Variants in PRKCB observed in about 807,000 individuals in gnomAD.
PRKCB encodes the protein protein kinase C beta type.
In PRKCB, 13 loss-of-function variants were observed where a neutral mutation model predicts 81.5. That is an observed-to-expected ratio of 0.16 (90% CI 0.10 to 0.25). The LOEUF is 0.25. PRKCB is among the 10% of genes least tolerant of loss of function. The probability of loss-of-function intolerance (pLI) is 1.00; values close to 1 mark genes in which losing one functional copy is unlikely to be tolerated. For synonymous variants in PRKCB, 335 were observed against 321.4 expected, an observed-to-expected ratio of 1.04 and a Z score of -0.45; for missense variants, 509 against 875.7, an observed-to-expected ratio of 0.58 and a Z score of 5.29.
At position 24,027,442 on chromosome 16, in the gene PRKCB, C is replaced by T. The variant is rs74015234; in HGVS notation, c.289-4694C>T. 9.5e-3 allele frequency among the ~76,000 whole-genome samples: 1,448 copies of T among 152,232 alleles called. 20 individuals carry two copies. The highest frequency in any genetic ancestry group is 0.032 in the African/African-American group (1,340 of 41,514). On this transcript the variant is annotated intron_variant, in intron 3 of 16. Coordinates refer to ENST00000643927, the MANE Select transcript of PRKCB (RefSeq NM_002738.7). ...GCTGGTTAAGCTGCCAAAAGGGATC[C>T]CTTAGTTTTTTGGGGGGTGGATTTC...
chr16:24,056,945 C>A (rs1965909083), intron 5 of PRKCB, among the ~76,000 whole-genome samples: 1 of 152,206 alleles, frequency 6.6e-6, no homozygotes, highest in Non-Finnish European at 1.5e-5. Context: ...GCCCGTGGTG[C>A]ATGCACAGGG....
At chr16:23,948,133 T>C (rs1964229017) in intron 2 of PRKCB, among the ~76,000 whole-genome samples, 3 of 152,068 alleles carry the variant, frequency 2.0e-5, no homozygotes, top group Admixed American at 2.0e-4. Context: ...GAGTCAGCTA[T>C]GGTGGGGCTT....
At chr16:24,050,830 C>A (rs1965832768) in intron 5 of PRKCB, among the ~76,000 whole-genome samples, 1 of 152,276 alleles carries the variant, frequency 6.6e-6, no homozygotes, top group Middle Eastern at 3.4e-3. Context: ...GGGGGTACCA[C>A]CAGCCACATT....
chr16:24,151,808 A>C (rs1487720246), intron 9 of PRKCB: 1 of 456,034 alleles, frequency 2.2e-6, no homozygotes, highest in South Asian at 1.5e-5. Flanking sequence ...CATTAGCTGA[A>C]GCAAGTTAAT....
chr16:24,112,840 A>G lies in PRKCB; in HGVS notation c.822-133A>G, dbSNP rs533390919. ...ACCCAACATACTGAAAAACAAACCAAAACAAACCAAAAAACCCTCAACGTA... is the reference window on the plus strand; with the variant it reads ...ACCCAACATACTGAAAAACAAACCAGAACAAACCAAAAAACCCTCAACGTA... On this transcript the variant is annotated intron_variant, in intron 7 of 16. Transcript: ENST00000643927. 11 of 626,548 alleles carry G rather than the reference A, an allele frequency of 1.8e-5. No individual in the cohort carries two copies. In the African/African-American group the frequency reaches 2.1e-4, roughly 12 times the overall value. 38.8% of individuals were successfully genotyped at this position (626,548 alleles called of 1,614,324 possible). A position where few individuals can be genotyped will look rare whatever the true frequency, so the allele number is the denominator to read the frequency against.
At chr16:24,005,528 G>C (rs185576615) in intron 3 of PRKCB, among the ~76,000 whole-genome samples, 313 of 152,262 alleles carry the variant, frequency 2.1e-3, no homozygotes, top group Non-Finnish European at 2.5e-3. Context: ...CGGCGTAATC[G>C]GGAGTCACTT....
chr16:24,179,936 G>A (rs892597935), intron 12 of PRKCB, among the ~76,000 whole-genome samples: 2 of 151,924 alleles, frequency 1.3e-5, no homozygotes, highest in African/African-American at 4.8e-5. Flanking sequence ...CTGTCACATA[G>A]TAATTGTGCA....
At chr16:24,107,212 C>T (rs899616122) in intron 7 of PRKCB, among the ~76,000 whole-genome samples, 2 of 152,344 alleles carry the variant, frequency 1.3e-5, no homozygotes, top group African/African-American at 4.8e-5. Flanking sequence ...TCTTGAATCT[C>T]ACTGCAAATA....
chr16:23,905,639 C>T (rs1287354986), intron 2 of PRKCB, among the ~76,000 whole-genome samples: 1 of 152,148 alleles, frequency 6.6e-6, no homozygotes, highest in Non-Finnish European at 1.5e-5. Flanking sequence ...AACCAGTTTC[C>T]TGTATTTTCT....
At chr16:24,148,203 C>T (rs926693019) in intron 9 of PRKCB, among the ~76,000 whole-genome samples, 2 of 152,166 alleles carry the variant, frequency 1.3e-5, no homozygotes, top group Admixed American at 1.3e-4. Context: ...CCTGTGTCCC[C>T]GCCTTGCTAG....
At chr16:23,934,664 T>A (rs195989) in intron 2 of PRKCB, among the ~76,000 whole-genome samples, 6 of 152,160 alleles carry the variant, frequency 3.9e-5, no homozygotes, top group Non-Finnish European at 7.3e-5. Flanking sequence ...GGTTAGGAAT[T>A]GTCAGTGTTT....
At chr16:23,910,146 C>G (rs1963628300) in intron 2 of PRKCB, among the ~76,000 whole-genome samples, 1 of 152,150 alleles carries the variant, frequency 6.6e-6, no homozygotes, top group Non-Finnish European at 1.5e-5. Flanking sequence ...CTCTTCCGCT[C>G]CAAGTTGCCT....
At chr16:24,158,588 A>ATGTGTG (rs1967204219) in intron 10 of PRKCB, among the ~76,000 whole-genome samples, 3 of 146,040 alleles carry the variant, frequency 2.1e-5, no homozygotes, top group Non-Finnish European at 3.0e-5. Context: ...GTATATGTAT[A>ATGTGTG]TGTATATGTG....
chr16:24,119,315 G>A (rs1197488942), intron 8 of PRKCB, among the ~76,000 whole-genome samples: 2 of 151,912 alleles, frequency 1.3e-5, no homozygotes, highest in African/African-American at 4.8e-5. Context: ...GCTCCTTGAA[G>A]GACAAGGAAA....
At chr16:23,999,202 C>CATA (rs1965000315) in intron 3 of PRKCB, among the ~76,000 whole-genome samples, 2 of 152,162 alleles carry the variant, frequency 1.3e-5, no homozygotes, top group African/African-American at 4.8e-5. Flanking sequence ...TGGAGGGGTG[C>CATA]CCTCTCCTTC....
intron 5 of PRKCB, among the ~76,000 whole-genome samples, chr16:24,065,502 C>T (rs1358781740): frequency 6.6e-6 from 1 of 152,154 alleles, no homozygotes; most frequent in Non-Finnish European, 1.5e-5. Context: ...CCCCATCCTA[C>T]CATACACATT....
chr16:24,084,015 T>G (rs1359648431), intron 5 of PRKCB, among the ~76,000 whole-genome samples: 1 of 152,094 alleles, frequency 6.6e-6, no homozygotes, highest in Non-Finnish European at 1.5e-5. Flanking sequence ...TAAAAAGTAA[T>G]TTAAAACAGT....
intron 9 of PRKCB, among the ~76,000 whole-genome samples, chr16:24,135,641 C>T (rs981212834): frequency 3.9e-5 from 6 of 152,058 alleles, no homozygotes; most frequent in Admixed American, 6.5e-5. Context: ...GAGCCAAGCC[C>T]GGCACCAGAT....
chr16:23,950,794 T>C (rs1029325436), intron 2 of PRKCB, among the ~76,000 whole-genome samples: 2 of 152,220 alleles, frequency 1.3e-5, no homozygotes, highest in African/African-American at 4.8e-5. Context: ...TTTTCCTGTT[T>C]CTCCTGATCT....
Sources: allele counts gnomAD v4.1 joint callset (sites outside exome capture counted in the v4.1 genomes callset), GRCh38; gene constraint gnomAD v4.1.1; transcripts MANE v1.5; gene names NCBI Gene and HGNC (gene_info 2026-07-23, HGNC 2026-07-21).